ERCC6: variants seen among roughly 807,000 people sequenced by gnomAD.
ERCC6 encodes ERCC excision repair 6, chromatin remodeling factor, also known as DNA excision repair protein ERCC-6.
Under a neutral mutation model 158.7 loss-of-function variants are expected in ERCC6, and 116 were observed. The ratio of observed to expected loss-of-function variants is 0.73; its 90% CI spans 0.63 to 0.85. ERCC6 has a LOEUF of 0.85. Ranked by LOEUF, ERCC6 falls within the 40% of genes least tolerant of loss-of-function variation. The pLI, the probability that ERCC6 is intolerant of heterozygous loss-of-function variation, is 0.00. For missense variants in ERCC6, 1,698 were observed against 1,799.4 expected (o/e 0.94, Z 1.02); for synonymous variants, 678 against 659.3 (o/e 1.03, Z -0.43).
At chr10:49,505,644 C>T (rs1395638023) in intron 6 of ERCC6, 2 of 482,272 alleles carry the variant, frequency 4.1e-6, no homozygotes, top group African/African-American at 3.9e-5. Flanking sequence ...TCTGCTGAGG[C>T]AGGTCCATAT....
chr10:49,515,216 T>C (rs1836910172), intron 5 of ERCC6: 2 of 1,323,028 alleles, frequency 1.5e-6, no homozygotes, highest in African/African-American at 1.5e-5. Flanking sequence ...GAAAAAAAAA[T>C]TTATTATGTT....
chr10:49,449,560 C>CTTTTT (rs71026248), downstream of ERCC6, among the ~76,000 whole-genome samples: 198 of 68,062 alleles, frequency 2.9e-3, 34 homozygotes, highest in African/African-American at 0.012. Flanking sequence ...ATAGTTAGGT[C>CTTTTT]TTTTTTTTTT....
chr10:49,519,996 T>C (rs1590465812), intron 5 of ERCC6, among the ~76,000 whole-genome samples: 2 of 152,282 alleles, frequency 1.3e-5, no homozygotes, highest in East Asian at 3.9e-4. Flanking sequence ...AACCAGATGA[T>C]CTATGACATA....
At chr10:49,515,878 A>C in intron 5 of ERCC6, 1 of 1,614,200 alleles carries the variant, frequency 6.2e-7, no homozygotes. Context: ...TTATCATTCC[A>C]TCTGCAGACA....
At chr10:49,439,760 T>C in the ERCC6 span, among the ~76,000 whole-genome samples, 1 of 152,218 alleles carries the variant, frequency 6.6e-6, no homozygotes, top group East Asian at 1.9e-4. Flanking sequence ...TCTTGGATGC[T>C]TTGCTGCTTG....
At chr10:49,519,249 A>G (rs1383216974) in intron 5 of ERCC6, among the ~76,000 whole-genome samples, 2 of 152,246 alleles carry the variant, frequency 1.3e-5, no homozygotes, top group Non-Finnish European at 2.9e-5. Context: ...ACATGTATGT[A>G]GAGGGCCCAG....
At chr10:49,472,679 A>G (rs1850802253) in intron 15 of ERCC6, 1 of 735,990 alleles carries the variant, frequency 1.4e-6, no homozygotes, top group Non-Finnish European at 2.2e-6. Context: ...AACTTTGCCT[A>G]TGTTCTTTTT....
intron 5 of ERCC6, among the ~76,000 whole-genome samples, chr10:49,511,107 C>T (rs531744273): frequency 6.6e-6 from 1 of 152,080 alleles, no homozygotes; most frequent in East Asian, 1.9e-4. Flanking sequence ...AGTCTGAGCT[C>T]CATTTTTTGG....
At chr10:49,463,973 G>A (rs953770853) in intron 18 of ERCC6, among the ~76,000 whole-genome samples, 8 of 152,176 alleles carry the variant, frequency 5.3e-5, no homozygotes, top group African/African-American at 1.9e-4. Context: ...GGTACCAGTG[G>A]GGAGGTGCGC....
At chr10:49,529,984 A>C (rs1837431224) in intron 3 of ERCC6, among the ~76,000 whole-genome samples, 1 of 152,102 alleles carries the variant, frequency 6.6e-6, no homozygotes, top group Non-Finnish European at 1.5e-5. Flanking sequence ...CTGGGTGCTG[A>C]CTGTAACACC....
At chr10:49,518,186 T>G (rs921218550) in intron 5 of ERCC6, among the ~76,000 whole-genome samples, 5 of 152,078 alleles carry the variant, frequency 3.3e-5, no homozygotes, top group African/African-American at 7.2e-5. Flanking sequence ...GGCTGTGAGG[T>G]TGGTGGTTCT....
intron 6 of ERCC6, chr10:49,503,694 G>C (rs1427192770): frequency 6.6e-6 from 1 of 152,046 alleles, no homozygotes; most frequent in East Asian, 1.9e-4. Flanking sequence ...AATAAACAGT[G>C]TAAACCAATT....
At chr10:49,474,577 G>A (rs376445140) in intron 12 of ERCC6, among the ~76,000 whole-genome samples, 4 of 152,044 alleles carry the variant, frequency 2.6e-5, no homozygotes, top group South Asian at 4.2e-4. Context: ...AAAGGAATTC[G>A]CCTTTTAAAT....
At chr10:49,530,534 T>C (rs1266476271) in intron 3 of ERCC6, among the ~76,000 whole-genome samples, 186 bp downstream of exon 3, 2 of 152,136 alleles carry the variant, frequency 1.3e-5, no homozygotes, top group Non-Finnish European at 2.9e-5. Context: ...TTAAATGCAA[T>C]AGAATGGGAT....
Position 49,524,569 on chromosome 10 carries a change from C to T in ERCC6, c.861G>A (p.Lys287=), listed in dbSNP as rs748914335. 2.5e-6 allele frequency: 4 copies of T among 1,614,236 alleles called. No individual in the cohort carries two copies. The highest frequency in any genetic ancestry group is 3.4e-6 in the Non-Finnish European group (4 of 1,180,038). ...TAGCTGCTCTTTTATTACAACCTTG[C>T]TTCTTCCTTTCAAAAGACAGTTTTG... The part of the protein sequence containing the change: ...DQAKLSFERK[K]QGCNKRAARK... Residue 287 remains lysine, a synonymous_variant, in exon 5 of 21, where the codon AAG becomes AAA. Coordinates refer to ENST00000355832, the MANE Select transcript of ERCC6 (RefSeq NM_000124.4).
rs1286395390 is a variant in ERCC6 at position 49,456,926 on chromosome 10, G to C, written c.*1889C>G. 6.6e-6 allele frequency: 1 copy of C among 152,126 alleles called. No homozygotes were observed. The highest frequency in any genetic ancestry group is 2.4e-5 in the African/African-American group (1 of 41,400). 9.4% of individuals were successfully genotyped at this position (152,126 alleles called of 1,614,324 possible). On this transcript the variant is annotated 3_prime_UTR_variant, in exon 21 of 21. Transcript: ENST00000355832. ...CAGCAGCAGAACTGAGACAAAAACT[G>C]GAACAAGGACCACCTTGCTCCTACT...
chr10:49,470,063 A>G, intron 18 of ERCC6, 119 bp downstream of exon 18: 1 of 913,126 alleles, frequency 1.1e-6, no homozygotes, highest in South Asian at 1.4e-5. Context: ...ATTTTTGAAG[A>G]AAAACACTAA....
chr10:49,500,433 A>C, intron 7 of ERCC6, 105 bp downstream of exon 7: 3 of 1,326,196 alleles, frequency 2.3e-6, no homozygotes, highest in Non-Finnish European at 3.2e-6. Context: ...GGAATATTGT[A>C]ATTGAAATGT....
At chr10:49,484,180 C>G (rs1851035519) in intron 8 of ERCC6, among the ~76,000 whole-genome samples, 1 of 150,510 alleles carries the variant, frequency 6.6e-6, no homozygotes, top group African/African-American at 2.5e-5. Context: ...ACTCAGGAGG[C>G]TGAGGTGGGA....
Sources: gnomAD v4.1 joint callset for allele counts (sites outside exome capture counted in the v4.1 genomes callset) on GRCh38, gnomAD v4.1.1 for gene constraint, MANE v1.5 for transcripts, NCBI Gene and HGNC (gene_info 2026-07-23, HGNC 2026-07-21) for gene names.